Variants in ANKRD26 observed in about 807,000 individuals in gnomAD.
The protein encoded by ANKRD26 is ankyrin repeat domain-containing protein 26.
A neutral mutation model predicts 208.7 loss-of-function variants in ANKRD26; 141 were observed. The observed-to-expected ratio is 0.68, with a 90% CI of 0.59 to 0.78. The LOEUF (loss-of-function observed/expected upper bound fraction) is 0.78, where lower values mean the gene tolerates loss of function less well. ANKRD26 is among the 30% of genes least tolerant of loss of function. ANKRD26 has a pLI of 0.00. For missense variants in ANKRD26, 1,889 were observed against 1,938.7 expected (o/e 0.97, Z 0.48); for synonymous variants, 636 against 660.4 (o/e 0.96, Z 0.57).
Position 27,005,045 on chromosome 10 carries a change from G to A in ANKRD26, c.*545C>T, listed in dbSNP as rs2052823311. 1 of 984,926 alleles carries A rather than the reference G, an allele frequency of 1.0e-6. No individual in the cohort carries two copies. The highest frequency in any genetic ancestry group is 1.2e-6 in the Non-Finnish European group (1 of 829,656). 61.0% of individuals were successfully genotyped at this position (984,926 alleles called of 1,614,324 possible). The stretch of plus-strand genomic sequence containing the variant: ...ACTTCGAAATTTTCTCTAAACTGAA[G>A]GCTATTTCCAAAAGGTTAATTAAAA... On this transcript the variant is annotated 3_prime_UTR_variant, in exon 34 of 34. Coordinates refer to ENST00000376087, the MANE Select transcript of ANKRD26 (RefSeq NM_014915.3).
At chr10:27,069,014 T>C (rs925397800) in intron 9 of ANKRD26, among the ~76,000 whole-genome samples, 5 of 151,872 alleles carry the variant, frequency 3.3e-5, no homozygotes, top group Admixed American at 3.3e-4. Flanking sequence ...GCCAATATGA[T>C]GGAACCCTGT....
At chr10:27,046,291 T>C in intron 18 of ANKRD26, 62 bp downstream of exon 18, 1 of 1,529,706 alleles carries the variant, frequency 6.5e-7, no homozygotes, top group Admixed American at 1.7e-5. Flanking sequence ...ATCATTCTAT[T>C]TTCAGAAAAA....
At chr10:27,009,032 G>C (rs1048491021) in intron 32 of ANKRD26, among the ~76,000 whole-genome samples, 1 of 152,112 alleles carries the variant, frequency 6.6e-6, no homozygotes, top group East Asian at 1.9e-4. Flanking sequence ...GTAGAGACGG[G>C]GTTTCACCAT....
intron 6 of ANKRD26, among the ~76,000 whole-genome samples, chr10:27,082,547 G>C (rs1208072723): frequency 6.6e-6 from 1 of 152,210 alleles, no homozygotes; most frequent in Non-Finnish European, 1.5e-5. Context: ...AGGGGCAAGA[G>C]AAGGGATTTG....
chr10:26,952,544 T>C, the ANKRD26 span, among the ~76,000 whole-genome samples: 2 of 152,026 alleles, frequency 1.3e-5, no homozygotes, highest in South Asian at 4.2e-4. Flanking sequence ...TTCTATGAGA[T>C]TTTCCAATAA....
chr10:27,018,361 C>G lies in ANKRD26; in HGVS notation c.4216-569G>C, dbSNP rs146363988. On this transcript the variant is annotated intron_variant, in intron 29 of 33. Coordinates refer to ENST00000376087, the MANE Select transcript of ANKRD26 (RefSeq NM_014915.3). ...ATGTTAGCCAGGATGGTCTCAATCT[C>G]CTGACCTCATGATCTGCCTGCCTCA... is the stretch of plus-strand genomic sequence containing the variant. Among the ~76,000 whole-genome samples, 8 of 151,932 alleles carry G rather than the reference C, an allele frequency of 5.3e-5. No homozygotes were observed. In the East Asian group the frequency reaches 1.6e-3, roughly 30 times the overall value.
In ANKRD26 at chr10:27,035,716, G is replaced by A. The variant is rs2054021182; in HGVS notation, c.2734C>T (p.His912Tyr). ...HSHEEEKDLS[H>Y]KNSMLQEEIA... ...TCTTCCTGCAACATGCTATTTTTAT[G>A]CGATAGGTCTTTTTCTTCTTCATGA... Residue 912 changes from histidine (H) to tyrosine (Y), a missense_variant, in exon 24 of 34, where the codon CAT (histidine) becomes TAT (tyrosine). By Grantham distance (83) the His-to-Tyr change is moderately conservative. Around this residue, in one of 3 missense-constraint regions of ANKRD26, gnomAD observed 1,272 missense variants for 1,273.8 expected, o/e 1.00. Transcript: ENST00000376087. 2 of 1,606,916 alleles carry A rather than the reference G, an allele frequency of 1.2e-6. No individual in the cohort carries two copies. The highest frequency in any genetic ancestry group is 1.7e-6 in the Non-Finnish European group (2 of 1,177,202).
the ANKRD26 span, among the ~76,000 whole-genome samples, chr10:26,949,121 A>T: frequency 1.3e-5 from 2 of 152,334 alleles, no homozygotes; most frequent in South Asian, 4.1e-4. Context: ...ATTTTCAAAC[A>T]TTTACTAAGG....
At chr10:27,070,102 A>T (rs1396875297) in intron 9 of ANKRD26, among the ~76,000 whole-genome samples, 129 of 99,572 alleles carry the variant, frequency 1.3e-3, no homozygotes, top group African/African-American at 9.1e-3. Context: ...CTCTGTATTT[A>T]AAAAAAAAAA....
the ANKRD26 span, among the ~76,000 whole-genome samples, chr10:26,951,020 T>C: frequency 1.4e-4 from 6 of 43,022 alleles, no homozygotes; most frequent in African/African-American, 3.6e-4. Flanking sequence ...TTTCTTTTTC[T>C]TTTTTTTTTT....
At chr10:27,007,823 A>G (rs1295252773) in intron 32 of ANKRD26, among the ~76,000 whole-genome samples, 1 of 152,142 alleles carries the variant, frequency 6.6e-6, no homozygotes, top group Non-Finnish European at 1.5e-5. Flanking sequence ...GTGAAAATAA[A>G]TATTATCCTA....
Position 27,048,794 on chromosome 10 carries a change from A to G in ANKRD26, c.1814+7T>C. On this transcript the variant is annotated splice_region_variant and intron_variant, in intron 17 of 33. Coordinates refer to ENST00000376087, the MANE Select transcript of ANKRD26 (RefSeq NM_014915.3). ...ATTATCTGCTGTTAAATATGCTATC[A>G]GCTTACCTAGCATACTCTTTATTTT... 1 of 1,609,678 alleles carries G rather than the reference A, an allele frequency of 6.2e-7. No homozygotes were observed.
At chr10:27,077,107 C>T (rs1308490314) in intron 9 of ANKRD26, 2 of 544,844 alleles carry the variant, frequency 3.7e-6, no homozygotes, top group African/African-American at 1.9e-5. Context: ...CAAGAAAATA[C>T]TAGCAAACCG....
intron 19 of ANKRD26, 71 bp downstream of exon 19, chr10:27,044,086 G>GC (rs2054357525): frequency 8.6e-7 from 1 of 1,166,136 alleles, no homozygotes; most frequent in Admixed American, 2.8e-5. Flanking sequence ...GAGCCACTGT[G>GC]CCCAGCCCAC....
At chr10:27,062,770 CT>C (rs879365257) in intron 12 of ANKRD26, among the ~76,000 whole-genome samples, 314 of 142,316 alleles carry the variant, frequency 2.2e-3, no homozygotes, top group Middle Eastern at 3.6e-3. Flanking sequence ...TTCTTTCTTT[CT>C]TTTTTTTTTT....
chr10:27,086,789 T>TTTG (rs2056137336), intron 4 of ANKRD26, among the ~76,000 whole-genome samples, 180 bp from the exon 5 acceptor site: 2 of 101,488 alleles, frequency 2.0e-5, no homozygotes, highest in African/African-American at 6.8e-5. Context: ...TTTTTTTTTT[T>TTTG]GAGACAGAGT....
At chr10:27,026,795 G>GT (rs1270457495) in intron 27 of ANKRD26, among the ~76,000 whole-genome samples, 2 of 150,922 alleles carry the variant, frequency 1.3e-5, no homozygotes, top group Admixed American at 6.6e-5. Context: ...TAAGGTTTTG[G>GT]TTTTTTTTAG....
Position 27,037,861 on chromosome 10 carries a change from A to G in ANKRD26, c.2559+10T>C. On this transcript the variant is annotated intron_variant, in intron 22 of 33. Coordinates refer to ENST00000376087, the MANE Select transcript of ANKRD26 (RefSeq NM_014915.3). Reference sequence around the variant, plus strand: ...TAAAAATATAAAATTTTTATCAAAAATTAATTTACCTGATTCAAATTACTT... The same window carrying G: ...TAAAAATATAAAATTTTTATCAAAAGTTAATTTACCTGATTCAAATTACTT... 1 of 1,593,322 alleles carries G rather than the reference A, an allele frequency of 6.3e-7. No individual in the cohort carries two copies. Among genetic ancestry groups the G allele is most frequent in the Non-Finnish European group, 8.6e-7 (1 of 1,167,162 alleles).
chr10:27,072,926 T>C (rs963879872), intron 9 of ANKRD26, among the ~76,000 whole-genome samples: 2 of 152,192 alleles, frequency 1.3e-5, no homozygotes, highest in African/African-American at 2.4e-5. Context: ...TGGTACCCGC[T>C]GCTGGGAGAC....
Sources: gnomAD v4.1 joint callset for allele counts (sites outside exome capture counted in the v4.1 genomes callset) on GRCh38, gnomAD v4.1.1 for gene constraint, gnomAD v4.1.1 regional missense constraint, MANE v1.5 for transcripts, NCBI Gene and HGNC (gene_info 2026-07-23, HGNC 2026-07-21) for gene names.